The following CDC6 variants were observed in gnomAD, a reference collection of about 807,000 sequenced individuals.
CDC6 encodes cell division cycle 6, also known as DNA replication factor CDC6.
A neutral mutation model predicts 60.2 loss-of-function variants in CDC6; 46 were observed. That is an observed-to-expected ratio of 0.76 (90% CI 0.60 to 0.98). CDC6 has a LOEUF of 0.98. Ranked by LOEUF, CDC6 falls within the 50% of genes least tolerant of loss-of-function variation. CDC6 has a pLI of 0.00. For missense variants in CDC6, 596 were observed against 652.9 expected (o/e 0.91, Z 0.95); for synonymous variants, 210 against 233.2 (o/e 0.90, Z 0.90).
At chr17:40,295,559 TCTG>T (rs1367405600) in intron 8 of CDC6, 103 bp downstream of exon 8, 12 of 801,126 alleles carry the variant, frequency 1.5e-5, no homozygotes, top group East Asian at 2.5e-5. Flanking sequence ...GAGGCTCTGT[TCTG>T]CTACTTTTTT....
chr17:40,301,699 CAGTT>C (rs1245177349), intron 11 of CDC6, 91 bp downstream of exon 11: 5 of 1,399,196 alleles, frequency 3.6e-6, no homozygotes, highest in East Asian at 2.3e-5. Context: ...AAGATGACCA[CAGTT>C]AGTTAAACAA....
chr17:40,302,868 A>T lies in CDC6; in HGVS notation c.*867A>T, dbSNP rs1437125010. On this transcript the variant is annotated 3_prime_UTR_variant, in exon 12 of 12. Transcript: ENST00000209728. ...GGGCACTCCCAAGGGCGTTGGGGTC[A>T]TAAGGAGACTATAACTCTACAGATT... is the stretch of plus-strand genomic sequence containing the variant. The T allele has an allele frequency of 6.6e-6, 1 of 152,226 alleles. No homozygotes were observed. The highest frequency in any genetic ancestry group is 2.4e-5 in the African/African-American group (1 of 41,448). The allele number at this position is 152,226 out of a possible 1,614,324, so 9.4% of individuals were successfully genotyped here.
chr17:40,289,188 T>C, intron 1 of CDC6: 1 of 488,980 alleles, frequency 2.0e-6, no homozygotes, highest in East Asian at 3.9e-5. Flanking sequence ...AGTTGGTACC[T>C]AAAGTGTTTA....
chr17:40,294,124 A>T (rs1485876076), intron 6 of CDC6, 68 bp downstream of exon 6: 32 of 1,249,924 alleles, frequency 2.6e-5, no homozygotes, highest in Middle Eastern at 1.9e-4. Context: ...TATTCAGCTT[A>T]TTTATCAGCT....
chr17:40,288,462 A>G (rs2032695392), intron 1 of CDC6, among the ~76,000 whole-genome samples: 1 of 151,342 alleles, frequency 6.6e-6, no homozygotes, highest in Admixed American at 6.6e-5. Context: ...CTTGTCGCCC[A>G]GGCTGTAGTG....
At chr17:40,300,160 C>T (rs1426333052) in intron 9 of CDC6, among the ~76,000 whole-genome samples, 3 of 152,108 alleles carry the variant, frequency 2.0e-5, no homozygotes, top group Non-Finnish European at 4.4e-5. Context: ...GATGGAGTTT[C>T]GCCGTGTTGG....
In CDC6 at chr17:40,291,586, A is replaced by G; in HGVS notation, c.578A>G (p.Lys193Arg). 6.2e-7 allele frequency: 1 copy of G among 1,614,236 alleles called. No homozygotes were observed. The highest frequency in any genetic ancestry group is 8.5e-7 in the Non-Finnish European group (1 of 1,180,030). Residue 193 changes from lysine (K) to arginine (R), a missense_variant, in exon 4 of 12, where the codon AAA (lysine) becomes AGA (arginine). By Grantham distance (26) the Lys-to-Arg change is conservative (BLOSUM62 2). Coordinates refer to ENST00000209728, the MANE Select transcript of CDC6 (RefSeq NM_001254.4). ...RNFLREHICG[K>R]KAGSLYLSGA... ...TTCTTGAGGGAACACATCTGTGGGA[A>G]AAAAGCTGGAAGCCTTTACCTTTCT... is the stretch of plus-strand genomic sequence containing the variant.
chr17:40,302,807 A>G lies in CDC6; in HGVS notation c.*806A>G, dbSNP rs1301760109. The G allele has an allele frequency of 1.3e-5, 2 of 152,260 alleles. No individual in the cohort carries two copies. The highest frequency in any genetic ancestry group is 2.1e-4 in the South Asian group (1 of 4,834). 9.4% of individuals were successfully genotyped at this position (152,260 alleles called of 1,614,324 possible). A position where few individuals can be genotyped will look rare whatever the true frequency, so the allele number is the denominator to read the frequency against. On this transcript the variant is annotated 3_prime_UTR_variant, in exon 12 of 12. Transcript: ENST00000209728. ...ATACTATGTTCATGGTGCAGATACTACAACATTGTGGCATTTTAGACTCGT... is the reference window on the plus strand; with the variant it reads ...ATACTATGTTCATGGTGCAGATACTGCAACATTGTGGCATTTTAGACTCGT...
chr17:40,298,629 C>G (rs2032893999), intron 9 of CDC6, among the ~76,000 whole-genome samples: 1 of 152,140 alleles, frequency 6.6e-6, no homozygotes, highest in Non-Finnish European at 1.5e-5. Context: ...TCTCAAACTC[C>G]TGGGATAAAG....
intron 4 of CDC6, among the ~76,000 whole-genome samples, chr17:40,292,705 G>A (rs1045843252): frequency 5.3e-5 from 8 of 151,804 alleles, no homozygotes; most frequent in African/African-American, 1.5e-4. Context: ...CGAGGCGGGC[G>A]GATCATGAGG....
At chr17:40,296,385 A>T (rs965886095) in intron 8 of CDC6, among the ~76,000 whole-genome samples, 5 of 152,228 alleles carry the variant, frequency 3.3e-5, no homozygotes, top group African/African-American at 1.2e-4. Flanking sequence ...GGCTTAATGT[A>T]TGATGACCTA....
rs560865830 is a variant in CDC6 at position 40,301,755 on chromosome 17, G to C, written c.1593+147G>C. The C allele has an allele frequency of 5.3e-6, 5 of 949,736 alleles. No homozygotes were observed. In the East Asian group the frequency reaches 1.2e-4, roughly 23 times the overall value. 58.8% of individuals were successfully genotyped at this position (949,736 alleles called of 1,614,324 possible). ...TAAGGTTTAAGGTGTGTAAAGATGG[G>C]AGTGTGATATGAATATTTTTTCAAG... On this transcript the variant is annotated intron_variant, in intron 11 of 11. Transcript: ENST00000209728.
chr17:40,300,701 C>T (rs913785922), intron 9 of CDC6, 127 bp from the exon 10 acceptor site: 19 of 798,820 alleles, frequency 2.4e-5, no homozygotes, highest in Non-Finnish European at 3.8e-5. Context: ...TTTAAAACCT[C>T]TGCTTTGCCA....
intron 11 of CDC6, 59 bp from the exon 12 acceptor site, chr17:40,301,853 C>A: frequency 8.7e-7 from 1 of 1,152,072 alleles, no homozygotes; most frequent in Non-Finnish European, 1.3e-6. Context: ...AGTTTGTATA[C>A]TGACAACTTT....
intron 7 of CDC6, among the ~76,000 whole-genome samples, chr17:40,294,845 C>T (rs997456270): frequency 6.6e-6 from 1 of 151,948 alleles, no homozygotes; most frequent in Non-Finnish European, 1.5e-5. Flanking sequence ...CTGCCTCAGC[C>T]TCCCCAGTAG....
At chr17:40,293,752 A>T (rs2032810553) in intron 5 of CDC6, 121 bp downstream of exon 5, 2 of 957,218 alleles carry the variant, frequency 2.1e-6, no homozygotes, top group Non-Finnish European at 3.4e-6. Flanking sequence ...GGGAAAGAAG[A>T]GAAGGAAGAT....
intron 10 of CDC6, 38 bp from the exon 11 acceptor site, chr17:40,301,430 C>A: frequency 1.2e-6 from 2 of 1,611,028 alleles, no homozygotes; most frequent in Non-Finnish European, 1.7e-6. Context: ...AGCAATGTGA[C>A]TTTTAAGCAG....
Position 40,291,468 on chromosome 17 carries a change from G to A in CDC6, c.461-1G>A. On this transcript the variant is annotated splice_acceptor_variant, in intron 3 of 11. Coordinates refer to ENST00000209728, the MANE Select transcript of CDC6 (RefSeq NM_001254.4). LOFTEE classifies it high-confidence loss of function. ...TAATTGACCTTTTATGTCTGGCACA[G>A]GCACTTGCTACCAGCAAGCAAAGCT... 6.2e-7 allele frequency: 1 copy of A among 1,614,134 alleles called. No individual in the cohort carries two copies.
At chr17:40,294,555 A>G in intron 7 of CDC6, 52 bp downstream of exon 7, 1 of 1,564,604 alleles carries the variant, frequency 6.4e-7, no homozygotes, top group Non-Finnish European at 8.8e-7. Context: ...CACCTGTGCT[A>G]GGAAAATTTA....
Sources: gnomAD v4.1 joint callset for allele counts (sites outside exome capture counted in the v4.1 genomes callset) on GRCh38, gnomAD v4.1.1 for gene constraint, MANE v1.5 for transcripts, NCBI Gene and HGNC (gene_info 2026-07-23, HGNC 2026-07-21) for gene names.